The following LAMC1 variants were observed in gnomAD, a reference collection of about 807,000 sequenced individuals.
LAMC1 encodes the protein laminin subunit gamma-1.
Under a neutral mutation model 173.6 loss-of-function variants are expected in LAMC1, and 38 were observed. That is an observed-to-expected ratio of 0.22 (90% CI 0.17 to 0.29). The LOEUF (loss-of-function observed/expected upper bound fraction) is 0.29, where lower values mean the gene tolerates loss of function less well. Ranked by LOEUF, LAMC1 falls within the 10% of genes least tolerant of loss-of-function variation. The probability of loss-of-function intolerance (pLI) is 1.00; values close to 1 mark genes in which losing one functional copy is unlikely to be tolerated. For synonymous variants in LAMC1, 746 were observed against 749.1 expected, an observed-to-expected ratio of 1.00 and a Z score of 0.07; for missense variants, 1,824 against 2,051.8, an observed-to-expected ratio of 0.89 and a Z score of 2.14.
chr1:183,049,028 A>G (rs1654341160), intron 1 of LAMC1, among the ~76,000 whole-genome samples: 1 of 152,190 alleles, frequency 6.6e-6, no homozygotes, highest in Admixed American at 6.5e-5. Context: ...CTTTATTATT[A>G]ATATAGTTCT....
intron 1 of LAMC1, among the ~76,000 whole-genome samples, chr1:183,027,527 A>G (rs576525020): frequency 9.2e-5 from 14 of 152,292 alleles, no homozygotes; most frequent in African/African-American, 2.6e-4. Context: ...AATCTTGAGA[A>G]AGGTAGCTTT....
At chr1:183,056,650 T>C (rs10911214) in intron 1 of LAMC1, among the ~76,000 whole-genome samples, 15,820 of 152,228 alleles carry the variant, frequency 0.1, 1,010 homozygotes, top group Admixed American at 0.2. Flanking sequence ...GGAAGTCATT[T>C]AGTCGACCAC....
intron 1 of LAMC1, among the ~76,000 whole-genome samples, chr1:183,025,311 A>G (rs1653657693): frequency 6.9e-6 from 1 of 144,186 alleles, no homozygotes; most frequent in African/African-American, 2.5e-5. Flanking sequence ...AAGTATCAGG[A>G]TTCCAGAGAA....
chr1:183,025,612 T>C (rs888062071), intron 1 of LAMC1, among the ~76,000 whole-genome samples: 5 of 152,248 alleles, frequency 3.3e-5, no homozygotes, highest in African/African-American at 7.2e-5. Context: ...TCTCCTGTTA[T>C]ATTTTTTAAG....
rs78235070 is a variant in LAMC1, at chr1:183,039,535, G to T, written c.418+15401G>T. On this transcript the variant is annotated intron_variant, in intron 1 of 27. Coordinates refer to ENST00000258341, the MANE Select transcript of LAMC1 (RefSeq NM_002293.4). Reference sequence around the variant, plus strand: ...CTGTAATGCAGCTGTAATAAAATTTGTTTATTATCAGGATTGCTTTAGAGG... The same window carrying T: ...CTGTAATGCAGCTGTAATAAAATTTTTTTATTATCAGGATTGCTTTAGAGG... Among the ~76,000 whole-genome samples, 2,665 of 152,242 alleles carry T rather than the reference G, an allele frequency of 0.018. 175 individuals carry two copies. The East Asian group carries it at 0.23, about 13-fold the overall frequency.
chr1:183,102,962 T>G (rs1354542824), intron 1 of LAMC1, among the ~76,000 whole-genome samples: 1 of 152,200 alleles, frequency 6.6e-6, no homozygotes, highest in Non-Finnish European at 1.5e-5. Flanking sequence ...TATATTTGCT[T>G]TTGTATCTTT....
At chr1:183,053,924 C>G (rs1654509032) in intron 1 of LAMC1, among the ~76,000 whole-genome samples, 1 of 152,104 alleles carries the variant, frequency 6.6e-6, no homozygotes, top group Non-Finnish European at 1.5e-5. Context: ...CTGCTCCTGG[C>G]CAAAGATAGG....
rs1265525294 is a variant in LAMC1, at chr1:183,124,672, C to A, written c.2443C>A (p.Pro815Thr). ...CTGTGATGATGGCTACTTTGGAGAC[C>A]CCCTGGGTAGAAACGGCCCTGTGAG... is the stretch of plus-strand genomic sequence containing the variant. ...ELCDDGYFGDPLGRNGPVRLC... is the reference protein window; with the variant it reads ...ELCDDGYFGDTLGRNGPVRLC... The change falls in exon 14 of 28, where the codon CCC becomes ACC. Residue 815 changes from proline (P) to threonine (T), a missense_variant. By Grantham distance (38) the Pro-to-Thr change is conservative (BLOSUM62 -1). Transcript: ENST00000258341. The A allele has an allele frequency of 1.2e-6, 2 of 1,614,016 alleles. No homozygotes were observed. Among genetic ancestry groups the A allele is most frequent in the African/African-American group, 1.3e-5 (1 of 74,900 alleles).
intron 1 of LAMC1, among the ~76,000 whole-genome samples, chr1:183,047,473 C>G (rs1412579120): frequency 6.6e-6 from 1 of 152,182 alleles, no homozygotes; most frequent in Non-Finnish European, 1.5e-5. Context: ...TCAAAACTGT[C>G]TAACGCCCTC....
intron 1 of LAMC1, among the ~76,000 whole-genome samples, chr1:183,103,072 G>T (rs747596159): frequency 3.3e-5 from 5 of 152,084 alleles, no homozygotes; most frequent in African/African-American, 4.8e-5. Flanking sequence ...AACATACGCC[G>T]CCAGTTTTCA....
chr1:183,093,901 C>T (rs1293785733), intron 1 of LAMC1, among the ~76,000 whole-genome samples: 1 of 152,180 alleles, frequency 6.6e-6, no homozygotes, highest in Non-Finnish European at 1.5e-5. Context: ...TCATCTAACT[C>T]ATCTTCTTGT....
At chr1:183,082,950 C>A (rs1475565511) in intron 1 of LAMC1, among the ~76,000 whole-genome samples, 2 of 152,170 alleles carry the variant, frequency 1.3e-5, no homozygotes, top group African/African-American at 4.8e-5. Context: ...AGCAGGAGTT[C>A]TCTGGCCTCA....
chr1:183,083,659 T>C (rs1052754672), intron 1 of LAMC1, among the ~76,000 whole-genome samples: 1 of 152,256 alleles, frequency 6.6e-6, no homozygotes, highest in African/African-American at 2.4e-5. Context: ...GTAAAAATTT[T>C]AATATAGGTG....
At chr1:183,109,020 A>G (rs985337886) in intron 3 of LAMC1, among the ~76,000 whole-genome samples, 1 of 152,192 alleles carries the variant, frequency 6.6e-6, no homozygotes, top group East Asian at 1.9e-4. Context: ...ACGGGAGAGT[A>G]TAAACCCATT....
At chr1:183,083,500 A>T (rs577512107) in intron 1 of LAMC1, among the ~76,000 whole-genome samples, 3 of 152,224 alleles carry the variant, frequency 2.0e-5, no homozygotes, top group Non-Finnish European at 2.9e-5. Flanking sequence ...AATGTAGGTC[A>T]TTCTCACACA....
rs746484378 is a variant in LAMC1 at position 183,114,543 on chromosome 1, A to G, written c.1034A>G (p.Asn345Ser). ...SASECLPCDC[N>S]GRSQECYFDP... ...TTTTGACTGACAGCCTGTGATTGCA[A>G]TGGTCGATCCCAGGAATGCTACTTC... Residue 345 changes from asparagine (N) to serine (S), a missense_variant, in exon 5 of 28, where the codon AAT (asparagine) becomes AGT (serine). Coordinates refer to ENST00000258341, the MANE Select transcript of LAMC1 (RefSeq NM_002293.4). 3.5e-5 allele frequency: 56 copies of G among 1,614,022 alleles called. No homozygotes were observed. Among genetic ancestry groups the G allele is most frequent in the East Asian group, 4.5e-5 (2 of 44,894 alleles).
chr1:183,087,009 T>C (rs567550029), intron 1 of LAMC1, among the ~76,000 whole-genome samples: 28 of 152,242 alleles, frequency 1.8e-4, no homozygotes, highest in Admixed American at 1.4e-3. Flanking sequence ...ATAAACTCTT[T>C]ATTTTACACT....
intron 1 of LAMC1, among the ~76,000 whole-genome samples, chr1:183,028,795 TC>T (rs1451970476): frequency 6.6e-6 from 1 of 152,264 alleles, no homozygotes; most frequent in East Asian, 1.9e-4. Flanking sequence ...TGTTCACGCT[TC>T]GTGGATGAAC....
intron 5 of LAMC1, among the ~76,000 whole-genome samples, chr1:183,114,930 G>A (rs181011516): frequency 8.5e-5 from 13 of 152,284 alleles, no homozygotes; most frequent in African/African-American, 3.1e-4. Context: ...GTGTAAGAGG[G>A]GGGTGGTGGC....
Sources: gnomAD v4.1 joint callset for allele counts (sites outside exome capture counted in the v4.1 genomes callset) on GRCh38, gnomAD v4.1.1 for gene constraint, MANE v1.5 for transcripts, NCBI Gene and HGNC (gene_info 2026-07-23, HGNC 2026-07-21) for gene names.